Variants in PRIM2 observed in about 807,000 individuals in gnomAD.
PRIM2 encodes the protein DNA primase subunit 2.
A neutral mutation model predicts 67.3 loss-of-function variants in PRIM2; 39 were observed. The observed-to-expected ratio is 0.58, with a 90% CI of 0.45 to 0.76. PRIM2 has a LOEUF of 0.76. Among genes scored for constraint, PRIM2 ranks in the 30% least tolerant of loss-of-function variants. PRIM2 has a pLI of 0.00. For synonymous variants in PRIM2, 143 were observed against 198.7 expected (o/e 0.72, Z 2.36); for missense variants, 398 against 598.7 (o/e 0.66, Z 3.50).
At chr6:57,274,179 C>T in the PRIM2 span, among the ~76,000 whole-genome samples, 2 of 152,364 alleles carry the variant, frequency 1.3e-5, no homozygotes, top group South Asian at 4.1e-4. Context: ...TTTATGTCTG[C>T]AGAGGTTACT....
the PRIM2 span, among the ~76,000 whole-genome samples, chr6:57,266,465 T>C: frequency 2.0e-5 from 3 of 152,118 alleles, no homozygotes; most frequent in Non-Finnish European, 2.9e-5. Flanking sequence ...AGCTCGACAA[T>C]TTTTTTGCAA....
the PRIM2 span, among the ~76,000 whole-genome samples, chr6:57,277,777 G>A: frequency 1.3e-5 from 2 of 151,516 alleles, no homozygotes; most frequent in Admixed American, 6.6e-5. Flanking sequence ...TCAGGAGATC[G>A]AGACCATCCT....
chr6:57,318,062 C>T (rs1395946160), intron 1 of PRIM2, among the ~76,000 whole-genome samples: 1 of 152,166 alleles, frequency 6.6e-6, no homozygotes, highest in Admixed American at 6.5e-5. Flanking sequence ...GCACTTTCCT[C>T]TAAGTTCAGG....
intron 7 of PRIM2, among the ~76,000 whole-genome samples, chr6:57,392,624 G>A (rs72871651): frequency 6.6e-6 from 1 of 151,558 alleles, no homozygotes; most frequent in Non-Finnish European, 1.5e-5. Flanking sequence ...TAGAGAGGGA[G>A]AAGGAAAATA....
chr6:57,445,547 C>A (rs548710447), intron 7 of PRIM2, among the ~76,000 whole-genome samples: 2 of 152,274 alleles, frequency 1.3e-5, no homozygotes, highest in South Asian at 4.2e-4. Flanking sequence ...TGCCACTGCA[C>A]CTGTTGCCCT....
At chr6:57,642,638 T>C (rs1777263976) in intron 13 of PRIM2, among the ~76,000 whole-genome samples, 2 of 151,786 alleles carry the variant, frequency 1.3e-5, no homozygotes, top group Non-Finnish European at 2.9e-5. Flanking sequence ...AGACGGGGTT[T>C]CACCGTGTTA....
rs559667503 is a variant in PRIM2, at chr6:57,391,943, A to G, written c.693+9775A>G. Among the ~76,000 whole-genome samples the G allele has an allele frequency of 1.6e-4, 25 of 152,278 alleles. No homozygotes were observed. The South Asian group carries it at 5.2e-3, about 32-fold the overall frequency. ...TGATAGTTTGATAGGAATAGGACTG[A>G]ATTATATAAATTGCTTTGGGCAGTA... On this transcript the variant is annotated intron_variant, in intron 7 of 13. Coordinates refer to ENST00000615550, the MANE Select transcript of PRIM2 (RefSeq NM_000947.5).
In PRIM2 at chr6:57,544,622, A is replaced by G. The variant is rs1208601530; in HGVS notation, c.1020+6997A>G. Among the ~76,000 whole-genome samples, 101 of 152,258 alleles carry G rather than the reference A, an allele frequency of 6.6e-4. 1 individual carries two copies. The highest frequency in any genetic ancestry group is 2.4e-3 in the African/African-American group (98 of 41,546). On this transcript the variant is annotated intron_variant, in intron 10 of 13. Coordinates refer to ENST00000615550, the MANE Select transcript of PRIM2 (RefSeq NM_000947.5). ...TCCGGCTAGCATATATATTCCAATA[A>G]ATGATATTGGTTACTTGCTACCAGA...
upstream of PRIM2, among the ~76,000 whole-genome samples, chr6:57,312,861 A>AT (rs1166439695): frequency 3.9e-5 from 6 of 152,180 alleles, no homozygotes; most frequent in Admixed American, 2.6e-4. Context: ...TCTGGAATTG[A>AT]TTTTTTATAT....
At chr6:57,567,117 C>T (rs1470532508) in intron 10 of PRIM2, among the ~76,000 whole-genome samples, 3,661 of 151,902 alleles carry the variant, frequency 0.024, 142 homozygotes, top group African/African-American at 0.083. Context: ...ACCAGTCATC[C>T]AAACGAAACA....
At chr6:57,594,046 C>G (rs1266845541) in intron 10 of PRIM2, among the ~76,000 whole-genome samples, 100 of 152,056 alleles carry the variant, frequency 6.6e-4, no homozygotes, top group Admixed American at 2.1e-3. Flanking sequence ...AAAGTTTTCA[C>G]AAAAAAGATT....
the PRIM2 span, among the ~76,000 whole-genome samples, chr6:57,268,457 GA>G: frequency 1.3e-5 from 2 of 151,320 alleles, no homozygotes; most frequent in African/African-American, 2.4e-5. Context: ...CATAAAAGGT[GA>G]AAAAAAATGC....
intron 7 of PRIM2, among the ~76,000 whole-genome samples, chr6:57,427,685 AT>A (rs559543326): frequency 1.3e-5 from 2 of 152,088 alleles, no homozygotes; most frequent in Admixed American, 6.6e-5. Flanking sequence ...TATAGTGATA[AT>A]TTTTTTGGGG....
chr6:57,552,751 C>T (rs1195680774), intron 10 of PRIM2, among the ~76,000 whole-genome samples: 20 of 152,126 alleles, frequency 1.3e-4, no homozygotes, highest in South Asian at 6.2e-4. Context: ...TCCTGTATGC[C>T]ATCCTTACCC....
Position 57,577,888 on chromosome 6 carries a change from G to A in PRIM2, c.1021-23205G>A, listed in dbSNP as rs1205867977. Among the ~76,000 whole-genome samples the A allele has an allele frequency of 1.4e-3, 213 of 152,252 alleles. 2 individuals are homozygous for A. Among genetic ancestry groups the A allele is most frequent in the African/African-American group, 3.8e-3 (157 of 41,534 alleles). ...AACAAATTAACATTGGTACAATACTGTAACTAGAGACTTTATTCACATTTT... is the reference window on the plus strand; with the variant it reads ...AACAAATTAACATTGGTACAATACTATAACTAGAGACTTTATTCACATTTT... On this transcript the variant is annotated intron_variant, in intron 10 of 13. Coordinates refer to ENST00000615550, the MANE Select transcript of PRIM2 (RefSeq NM_000947.5).
At chr6:57,454,564 G>T (rs2127392672) in intron 7 of PRIM2, among the ~76,000 whole-genome samples, 1 of 151,906 alleles carries the variant, frequency 6.6e-6, no homozygotes, top group African/African-American at 2.4e-5. Flanking sequence ...AGATTCTCTA[G>T]TTTGAGTAGA....
intron 7 of PRIM2, among the ~76,000 whole-genome samples, chr6:57,417,563 A>G (rs2894854): frequency 0.63 from 95,217 of 151,952 alleles, 30,181 homozygotes; most frequent in African/African-American, 0.73. Flanking sequence ...AGAGAGACAA[A>G]GGAATGGCTG....
intron 5 of PRIM2, among the ~76,000 whole-genome samples, chr6:57,335,855 C>A (rs894852891): frequency 2.0e-5 from 3 of 152,128 alleles, no homozygotes; most frequent in East Asian, 3.8e-4. Flanking sequence ...CAAAGCTGGA[C>A]GGAGAATGAC....
chr6:57,273,581 T>A, the PRIM2 span, among the ~76,000 whole-genome samples: 1 of 152,220 alleles, frequency 6.6e-6, no homozygotes, highest in Non-Finnish European at 1.5e-5. Context: ...AACTTCCTCC[T>A]GTAGCTTGGA....
Sources: allele counts gnomAD v4.1 joint callset (sites outside exome capture counted in the v4.1 genomes callset), GRCh38; gene constraint gnomAD v4.1.1; transcripts MANE v1.5; gene names NCBI Gene and HGNC (gene_info 2026-07-23, HGNC 2026-07-21).